AKAP13: variants seen among roughly 807,000 people sequenced by gnomAD.
AKAP13 encodes the protein A-kinase anchoring protein 13.
In AKAP13, 80 loss-of-function variants were observed where a neutral mutation model predicts 264.5. The observed-to-expected ratio is 0.30, with a 90% CI of 0.25 to 0.36. The LOEUF (loss-of-function observed/expected upper bound fraction) is 0.36. Among genes scored for constraint, AKAP13 ranks in the 10% least tolerant of loss-of-function variants. AKAP13 has a pLI of 1.00. For missense variants in AKAP13, 3,712 were observed against 3,435.2 expected, an observed-to-expected ratio of 1.08 and a Z score of -2.01; for synonymous variants, 1,380 against 1,250.2, an observed-to-expected ratio of 1.10 and a Z score of -2.19.
intron 8 of AKAP13, 73 bp from the exon 9 acceptor site, chr15:85,639,301 A>G (rs2151472974): frequency 3.8e-6 from 4 of 1,045,022 alleles, no homozygotes; most frequent in South Asian, 1.3e-5. Context: ...GTCAGTTGAC[A>G]TAATTTTGGC....
At chr15:85,714,598 C>A (rs961828475) in intron 19 of AKAP13, among the ~76,000 whole-genome samples, 2 of 152,238 alleles carry the variant, frequency 1.3e-5, no homozygotes, top group African/African-American at 4.8e-5. Context: ...ACAGGCACTC[C>A]AGATGTCTTC....
At chr15:85,629,737 T>C (rs375250699) in intron 8 of AKAP13, among the ~76,000 whole-genome samples, 2 of 145,182 alleles carry the variant, frequency 1.4e-5, no homozygotes, top group African/African-American at 5.0e-5. Context: ...ATCATGAATC[T>C]AGAAATATAA....
intron 25 of AKAP13, 85 bp downstream of exon 25, chr15:85,722,432 T>A (rs7164373): frequency 0.2 from 221,433 of 1,105,248 alleles, 24,471 homozygotes; most frequent in Non-Finnish European, 0.23. Context: ...ATGGAAGTGC[T>A]ATTTCATGCT....
Position 85,521,446 on chromosome 15 carries a change from G to A in AKAP13, c.52G>A (p.Val18Met), listed in dbSNP as rs758513920. ...APLYGDCVVT[V>M]LLAEEDKAED... ...TTCCTAGGGTGATTGTGTTGTTACA[G>A]TGCTGCTTGCTGAAGAGGACAAAGC... Residue 18 changes from valine to methionine, a missense_variant, in exon 3 of 37, where the codon GTG becomes ATG. Physicochemically the swap from Val to Met is conservative, Grantham distance 21. This residue lies in a region of AKAP13 where 2,759 missense variants were observed against 2,411.7 expected (regional missense o/e 1.14). Transcript: ENST00000394518. 1 of 1,614,006 alleles carries A rather than the reference G, an allele frequency of 6.2e-7. No homozygotes were observed. The highest frequency in any genetic ancestry group is 1.3e-5 in the African/African-American group (1 of 74,932).
chr15:85,597,496 T>C (rs1242739235), intron 8 of AKAP13, among the ~76,000 whole-genome samples: 1 of 152,226 alleles, frequency 6.6e-6, no homozygotes, highest in Non-Finnish European at 1.5e-5. Context: ...CTTTATGAAA[T>C]CCTTTAATCC....
chr15:85,520,522 A>AAAAG, intron 2 of AKAP13: 1 of 308,716 alleles, frequency 3.2e-6, no homozygotes, highest in East Asian at 8.5e-5. Flanking sequence ...AAAAAAAAAA[A>AAAAG]GCAACTGAAA....
chr15:85,727,076 C>T lies in AKAP13; in HGVS notation c.6833C>T (p.Ser2278Leu). Reference sequence around the variant, plus strand: ...CTTCCCTTTTTCCAGGACCAGAAGTCAACAGTGATCTCTTTAAAGAAGCTG... The same window carrying T: ...CTTCCCTTTTTCCAGGACCAGAAGTTAACAGTGATCTCTTTAAAGAAGCTG... ...KYIFASLDQKSTVISLKKLIV... is the reference protein window; with the variant it reads ...KYIFASLDQKLTVISLKKLIV... Residue 2278 changes from serine to leucine, a missense_variant, in exon 28 of 37, where the codon TCA becomes TTA. Ser to Leu is a moderately radical substitution (Grantham distance 145). Coordinates refer to ENST00000394518, the MANE Select transcript of AKAP13 (RefSeq NM_007200.5). The surrounding 1 kb of genome is among the most constrained non-coding windows in gnomAD (Gnocchi z 5.3). 1 of 1,614,070 alleles carries T rather than the reference C, an allele frequency of 6.2e-7. No individual in the cohort carries two copies. The highest frequency in any genetic ancestry group is 8.5e-7 in the Non-Finnish European group (1 of 1,179,988).
At chr15:85,613,947 A>C (rs2080826125) in intron 8 of AKAP13, among the ~76,000 whole-genome samples, 1 of 152,074 alleles carries the variant, frequency 6.6e-6, no homozygotes, top group Admixed American at 6.5e-5. Flanking sequence ...AAAGCTATAA[A>C]GTAGGTTTTA....
In AKAP13 at chr15:85,744,765, T is replaced by C. The variant is rs2089319259; in HGVS notation, c.*88T>C. Reference sequence around the variant, plus strand: ...CCCCGCGTGCACAAGTCTCTTACACTGGACGCCCACTGCTCCTCAGCGTCC... The same window carrying C: ...CCCCGCGTGCACAAGTCTCTTACACCGGACGCCCACTGCTCCTCAGCGTCC... On this transcript the variant is annotated 3_prime_UTR_variant, in exon 37 of 37. Transcript: ENST00000394518. The C allele has an allele frequency of 7.8e-7, 1 of 1,282,636 alleles. No individual in the cohort carries two copies. The highest frequency in any genetic ancestry group is 1.1e-6 in the Non-Finnish European group (1 of 934,300). The allele number at this position is 1,282,636 out of a possible 1,614,324, so 79.5% of individuals were successfully genotyped here.
chr15:85,393,135 G>A (rs1227959738), intron 1 of AKAP13, among the ~76,000 whole-genome samples: 2 of 152,220 alleles, frequency 1.3e-5, no homozygotes, highest in Non-Finnish European at 2.9e-5. Flanking sequence ...GAGGTCCGTT[G>A]TGACATTGCA....
intron 1 of AKAP13, chr15:85,382,283 C>G (rs2070320878): frequency 6.6e-6 from 1 of 152,210 alleles, no homozygotes; most frequent in African/African-American, 2.4e-5. Flanking sequence ...AGTGATTTCT[C>G]GTGCTAAGTG....
At position 85,579,298 on chromosome 15, in the gene AKAP13, G is replaced by A. The variant is rs139682746; in HGVS notation, c.1230G>A (p.Lys410=). ...AGAGCTTGCCTGATTGTGGAGTAAA[G>A]GGCACGGAAGGCCTTTCGTCCTGTG... ...CLQSLPDCGV[K]GTEGLSSCGN... The change falls in exon 7 of 37, where the codon AAG becomes AAA. Residue 410 remains lysine, a synonymous_variant. Transcript: ENST00000394518. 7,081 of 1,614,212 alleles carry A rather than the reference G, an allele frequency of 4.4e-3. 29 individuals are homozygous for A. Among genetic ancestry groups the A allele is most frequent in the Non-Finnish European group, 5.0e-3 (5,940 of 1,180,036 alleles).
chr15:85,430,361 T>G (rs1408888236), intron 1 of AKAP13, among the ~76,000 whole-genome samples: 1 of 152,226 alleles, frequency 6.6e-6, no homozygotes, highest in Non-Finnish European at 1.5e-5. Flanking sequence ...GTTAGTTAAC[T>G]TGTCTTTCCT....
At position 85,698,943 on chromosome 15, in the gene AKAP13, CAAAAAAAAAAAAA is replaced by C. The variant is rs10715702; in HGVS notation, c.5464+5507_5464+5519del. Among the ~76,000 whole-genome samples, 7 of 72,846 alleles carry C rather than the reference CAAAAAAAAAAAAA, an allele frequency of 9.6e-5. No homozygotes were observed. In the East Asian group the frequency reaches 2.7e-3, roughly 28 times the overall value. The allele number at this position is 72,846 out of a possible 152,430, so 47.8% of individuals were successfully genotyped here. ...TGGGAAACAGAGCGAGACCTTGTCT[CAAAAAAAAAAAAA>C]AAAAAAAAAAAAAATTTACAAATAC... On this transcript the variant is annotated intron_variant, in intron 17 of 36. Coordinates refer to ENST00000394518, the MANE Select transcript of AKAP13 (RefSeq NM_007200.5).
intron 1 of AKAP13, among the ~76,000 whole-genome samples, chr15:85,476,100 G>C (rs1244185446): frequency 6.6e-6 from 1 of 152,190 alleles, no homozygotes; most frequent in Non-Finnish European, 1.5e-5. Flanking sequence ...ATTAAAATCA[G>C]CAAGGGTGGA....
intron 1 of AKAP13, among the ~76,000 whole-genome samples, chr15:85,409,563 T>C (rs570791324): frequency 6.6e-6 from 1 of 151,778 alleles, no homozygotes; most frequent in South Asian, 2.1e-4. Context: ...GCTAGAATTT[T>C]CTCCCATTCT....
At chr15:85,640,154 G>A (rs184370510) in intron 9 of AKAP13, among the ~76,000 whole-genome samples, 14 of 152,228 alleles carry the variant, frequency 9.2e-5, no homozygotes, top group East Asian at 3.9e-4. Flanking sequence ...TGTGTGCTCC[G>A]TTGTCTCCCT....
chr15:85,695,912 GT>G (rs1432182883), intron 17 of AKAP13, among the ~76,000 whole-genome samples: 1 of 152,198 alleles, frequency 6.6e-6, no homozygotes, highest in East Asian at 1.9e-4. Flanking sequence ...CTATAGTTTA[GT>G]TTTTTAGCCA....
At chr15:85,591,782 A>G (rs906826063) in intron 8 of AKAP13, among the ~76,000 whole-genome samples, 1 of 152,170 alleles carries the variant, frequency 6.6e-6, no homozygotes, top group Non-Finnish European at 1.5e-5. Context: ...TCCCTGGGGC[A>G]TCTGTTCATT....
Sources: allele counts gnomAD v4.1 joint callset (sites outside exome capture counted in the v4.1 genomes callset), GRCh38; gene constraint gnomAD v4.1.1; regional missense constraint gnomAD v4.1.1; non-coding constraint Gnocchi (gnomAD v3.1); transcripts MANE v1.5; gene names NCBI Gene and HGNC (gene_info 2026-07-23, HGNC 2026-07-21).